The following DYM variants were observed in gnomAD, a reference collection of about 807,000 sequenced individuals.
DYM encodes dymeclin.
A neutral mutation model predicts 93.1 loss-of-function variants in DYM; 78 were observed. That is an observed-to-expected ratio of 0.84 (90% CI 0.70 to 1.01). DYM has a LOEUF of 1.01. Among genes scored for constraint, DYM ranks in the 50% least tolerant of loss-of-function variants. The pLI is 0.00. For synonymous variants in DYM, 321 were observed against 319.7 expected, an observed-to-expected ratio of 1.00 and a Z score of -0.04; for missense variants, 789 against 845.0, an observed-to-expected ratio of 0.93 and a Z score of 0.82.
chr18:49,107,457 G>A lies in DYM; in HGVS notation c.1912-9942C>T, dbSNP rs569019662. On this transcript the variant is annotated intron_variant, in intron 16 of 17. Transcript: ENST00000675505. The stretch of plus-strand genomic sequence containing the variant: ...TGTTCCGTTGCTGGTGAGGAGCTGC[G>A]TTCCTTTGGAGGAGGAGAGGCACTC... Among the ~76,000 whole-genome samples the A allele has an allele frequency of 2.5e-4, 38 of 152,278 alleles. No individual in the cohort carries two copies. In the South Asian group the frequency reaches 5.2e-3, roughly 21 times the overall value.
intron 17 of DYM, among the ~76,000 whole-genome samples, chr18:49,083,314 A>G (rs2078220692): frequency 6.6e-6 from 1 of 152,186 alleles, no homozygotes; most frequent in Non-Finnish European, 1.5e-5. Flanking sequence ...ATACTATTTC[A>G]GTTTTGGATA....
chr18:49,288,221 G>A (rs536190328), intron 8 of DYM, among the ~76,000 whole-genome samples: 1 of 152,158 alleles, frequency 6.6e-6, no homozygotes, highest in Middle Eastern at 3.4e-3. Context: ...ATAACTAATA[G>A]AAGATTTTGG....
At chr18:49,374,071 A>G (rs1048893576) in intron 5 of DYM, among the ~76,000 whole-genome samples, 2 of 152,228 alleles carry the variant, frequency 1.3e-5, no homozygotes, top group Non-Finnish European at 2.9e-5. Context: ...ACTCAAACTC[A>G]ATGTATAAAG....
At chr18:49,333,427 G>A (rs2063450460) in intron 7 of DYM, among the ~76,000 whole-genome samples, 1 of 152,190 alleles carries the variant, frequency 6.6e-6, no homozygotes, top group Non-Finnish European at 1.5e-5. Flanking sequence ...AATATGACTT[G>A]ACTGCTTAAA....
intron 14 of DYM, among the ~76,000 whole-genome samples, chr18:49,190,760 CCT>C (rs747950324): frequency 2.0e-5 from 3 of 152,128 alleles, no homozygotes; most frequent in African/African-American, 2.4e-5. Flanking sequence ...GTCTGCCACC[CCT>C]GAGACAGCAG....
At chr18:49,282,960 T>C (rs1402989076) in intron 9 of DYM, among the ~76,000 whole-genome samples, 1 of 152,186 alleles carries the variant, frequency 6.6e-6, no homozygotes, top group Non-Finnish European at 1.5e-5. Context: ...TCCACTTATA[T>C]CAAAATCAGT....
intron 2 of DYM, among the ~76,000 whole-genome samples, chr18:49,413,967 G>C (rs1048401597): frequency 6.6e-6 from 1 of 151,940 alleles, no homozygotes. Flanking sequence ...CCAAAATCAC[G>C]CCACTGCACT....
At chr18:49,210,389 G>T (rs537873666) in intron 13 of DYM, among the ~76,000 whole-genome samples, 5 of 152,228 alleles carry the variant, frequency 3.3e-5, no homozygotes, top group African/African-American at 9.6e-5. Context: ...AAAAAAATGA[G>T]CTATGAAGTC....
chr18:49,271,496 GA>G (rs2094697946), intron 11 of DYM, among the ~76,000 whole-genome samples: 1 of 152,030 alleles, frequency 6.6e-6, no homozygotes, highest in African/African-American at 2.4e-5. Context: ...GTCTGCAACT[GA>G]AAAATCAAGA....
intron 11 of DYM, among the ~76,000 whole-genome samples, chr18:49,264,709 G>C (rs2094542794): frequency 6.6e-6 from 1 of 152,158 alleles, no homozygotes; most frequent in Non-Finnish European, 1.5e-5. Context: ...CTGACAAGAA[G>C]AGGGCTAGGA....
chr18:49,041,397 G>A lies in DYM; in HGVS notation c.*2658C>T, dbSNP rs1261216757. ...TTCCATCTGAACACACGATGATCCTGTGTTGCATCATTACACATTTTTACT... is the reference window on the plus strand; with the variant it reads ...TTCCATCTGAACACACGATGATCCTATGTTGCATCATTACACATTTTTACT... On this transcript the variant is annotated 3_prime_UTR_variant, in exon 18 of 18. Transcript: ENST00000675505. 6.6e-6 allele frequency: 1 copy of A among 152,222 alleles called. No individual in the cohort carries two copies. The highest frequency in any genetic ancestry group is 2.4e-5 in the African/African-American group (1 of 41,446). The allele number at this position is 152,222 out of a possible 1,614,324, so 9.4% of individuals were successfully genotyped here.
chr18:49,191,749 T>C (rs775915633), intron 14 of DYM, among the ~76,000 whole-genome samples: 3 of 152,304 alleles, frequency 2.0e-5, no homozygotes, highest in South Asian at 2.1e-4. Flanking sequence ...TTAGAATGTA[T>C]AGACATCAAA....
At chr18:49,249,272 T>C (rs897515065) in intron 13 of DYM, among the ~76,000 whole-genome samples, 7 of 152,000 alleles carry the variant, frequency 4.6e-5, no homozygotes, top group Non-Finnish European at 1.0e-4. Flanking sequence ...GGTGAGACAC[T>C]GAGGATGGCA....
Position 49,285,957 on chromosome 18 carries a change from C to T in DYM, c.946+477G>A, listed in dbSNP as rs577961038. On this transcript the variant is annotated intron_variant, in intron 9 of 17. Transcript: ENST00000675505. ...ACCTATGGCTGCTTTGATGGAAAAA[C>T]GGCAAGGCTAACAGACTGCAGGAGA... Among the ~76,000 whole-genome samples the T allele has an allele frequency of 5.3e-5, 8 of 152,276 alleles. No individual in the cohort carries two copies. In the East Asian group the frequency reaches 7.7e-4, roughly 15 times the overall value.
intron 12 of DYM, among the ~76,000 whole-genome samples, chr18:49,257,370 C>T (rs1349046949): frequency 1.3e-5 from 2 of 152,152 alleles, no homozygotes; most frequent in African/African-American, 2.4e-5. Context: ...AGAAATATAA[C>T]GTTTAATTAC....
chr18:49,200,769 G>A (rs2091924097), intron 14 of DYM, among the ~76,000 whole-genome samples: 1 of 151,932 alleles, frequency 6.6e-6, no homozygotes, highest in Non-Finnish European at 1.5e-5. Flanking sequence ...TATTTATGAT[G>A]TAAATGATGT....
chr18:49,065,879 T>C (rs1483826961), intron 17 of DYM, among the ~76,000 whole-genome samples: 1 of 152,040 alleles, frequency 6.6e-6, no homozygotes, highest in Non-Finnish European at 1.5e-5. Flanking sequence ...ATCATTTGAT[T>C]TTTATATGCA....
rs1318299268 is a variant in DYM, at chr18:49,041,787, C to T, written c.*2268G>A. On this transcript the variant is annotated 3_prime_UTR_variant, in exon 18 of 18. Coordinates refer to ENST00000675505, the MANE Select transcript of DYM (RefSeq NM_001353214.3). ...GAGGCTGTATGATTCCCCAGTCAGG[C>T]CTTCCTTGGGAGTGTGCCCTCTGTC... 2 of 152,218 alleles carry T rather than the reference C, an allele frequency of 1.3e-5. No homozygotes were observed. Among genetic ancestry groups the T allele is most frequent in the Non-Finnish European group, 2.9e-5 (2 of 68,056 alleles). 9.4% of individuals were successfully genotyped at this position (152,218 alleles called of 1,614,324 possible). A position where few individuals can be genotyped will look rare whatever the true frequency, so the allele number is the denominator to read the frequency against.
chr18:49,459,733 T>TCCAATCAGCTTTAC (rs1350164361), intron 1 of DYM, among the ~76,000 whole-genome samples: 2 of 152,160 alleles, frequency 1.3e-5, no homozygotes, highest in Non-Finnish European at 2.9e-5. Context: ...AACAGCTTTA[T>TCCAATCAGCTTTAC]CCAATCAGCT....
Sources: gnomAD v4.1 joint callset for allele counts (sites outside exome capture counted in the v4.1 genomes callset) on GRCh38, gnomAD v4.1.1 for gene constraint, MANE v1.5 for transcripts, NCBI Gene and HGNC (gene_info 2026-07-23, HGNC 2026-07-21) for gene names.